Variants in PLEKHA5 observed in about 807,000 individuals in gnomAD.
PLEKHA5 encodes the protein pleckstrin homology domain containing A5.
In PLEKHA5, 55 loss-of-function variants were observed where a neutral mutation model predicts 181.9. The ratio of observed to expected loss-of-function variants is 0.30; its 90% confidence interval spans 0.24 to 0.38. The LOEUF is 0.38. PLEKHA5 is among the 10% of genes least tolerant of loss of function. The pLI is 1.00. For missense variants in PLEKHA5, 1,432 were observed against 1,549.5 expected (o/e 0.92, Z 1.27); for synonymous variants, 535 against 529.4 (o/e 1.01, Z -0.15).
At chr12:19,313,401 G>A (rs1345036486) in intron 15 of PLEKHA5, among the ~76,000 whole-genome samples, 3 of 152,038 alleles carry the variant, frequency 2.0e-5, no homozygotes, top group African/African-American at 7.2e-5. Context: ...CTGATGTGTT[G>A]TTCCAAATAC....
intron 3 of PLEKHA5, among the ~76,000 whole-genome samples, chr12:19,239,603 G>T (rs139684561): frequency 1.7e-3 from 255 of 152,268 alleles, no homozygotes; most frequent in African/African-American, 5.8e-3. Flanking sequence ...TGGAATTGAA[G>T]TAAAAGAAAA....
chr12:19,274,954 G>T lies in PLEKHA5; in HGVS notation c.1284G>T (p.Lys428Asn). Residue 428 changes from lysine to asparagine, a missense_variant, in exon 11 of 32, where the codon AAG becomes AAT. Coordinates refer to ENST00000429027, the MANE Select transcript of PLEKHA5 (RefSeq NM_001256470.2). ...TGGAACAGTGGATTAAAATCCAGAAGGGGAGGGGTCATGAAGAAGAAACCA... is the reference window on the plus strand; with the variant it reads ...TGGAACAGTGGATTAAAATCCAGAATGGGAGGGGTCATGAAGAAGAAACCA... ...QQLEQWIKIQ[K>N]GRGHEEETRG... is the part of the protein sequence containing the mutation. 1 of 1,610,862 alleles carries T rather than the reference G, an allele frequency of 6.2e-7. No individual in the cohort carries two copies. Among genetic ancestry groups the T allele is most frequent in the Non-Finnish European group, 8.5e-7 (1 of 1,179,708 alleles).
chr12:19,158,041 A>G (rs1022555698), intron 3 of PLEKHA5, among the ~76,000 whole-genome samples: 11 of 152,098 alleles, frequency 7.2e-5, no homozygotes, highest in Non-Finnish European at 1.3e-4. Context: ...TTTATAATCA[A>G]GTTTTAAAAA....
intron 3 of PLEKHA5, among the ~76,000 whole-genome samples, chr12:19,236,166 A>G (rs1380722040): frequency 6.6e-6 from 1 of 152,172 alleles, no homozygotes; most frequent in Admixed American, 6.5e-5. Context: ...AATACCAACA[A>G]ACTCTGGTTT....
intron 3 of PLEKHA5, among the ~76,000 whole-genome samples, chr12:19,251,933 G>A (rs1406641143): frequency 2.0e-5 from 3 of 152,046 alleles, no homozygotes; most frequent in Non-Finnish European, 4.4e-5. Flanking sequence ...CAAGACAATG[G>A]TCAGGACCTA....
intron 15 of PLEKHA5, among the ~76,000 whole-genome samples, chr12:19,301,396 T>C (rs1293812638): frequency 2.0e-5 from 3 of 152,144 alleles, no homozygotes; most frequent in African/African-American, 7.2e-5. Context: ...CTGTTTCCTG[T>C]GGATGCCAGG....
chr12:19,265,782 C>G lies in PLEKHA5; in HGVS notation c.643C>G (p.Leu215Val). 1 of 1,595,300 alleles carries G rather than the reference C, an allele frequency of 6.3e-7. No individual in the cohort carries two copies. Among genetic ancestry groups the G allele is most frequent in the East Asian group, 2.2e-5 (1 of 44,576 alleles). ...AGAAGAGGGTATCCTGGGAAGCATA[C>G]TGTTACCTAGTTTTCAGATAGCTTT... ...EKEEGILGSI[L>V]LPSFQIALLT... The change falls in exon 8 of 32, where the codon CTG becomes GTG. Residue 215 changes from leucine (L) to valine (V), a missense_variant. By Grantham distance (32) the Leu-to-Val change is conservative. This residue lies in a region of PLEKHA5 where 289 missense variants were observed against 381.1 expected (regional missense o/e 0.76). Coordinates refer to ENST00000429027, the MANE Select transcript of PLEKHA5 (RefSeq NM_001256470.2).
chr12:19,211,239 A>G (rs1387883069), intron 3 of PLEKHA5, among the ~76,000 whole-genome samples: 1 of 152,142 alleles, frequency 6.6e-6, no homozygotes, highest in African/African-American at 2.4e-5. Context: ...CCCCCACTTC[A>G]GAGTGTGTAC....
rs796713469 is a variant in PLEKHA5, at chr12:19,348,624, C to T, written c.3019+105C>T. 16 of 754,246 alleles carry T rather than the reference C, an allele frequency of 2.1e-5. No individual in the cohort carries two copies. In the African/African-American group the frequency reaches 2.9e-4, roughly 14 times the overall value. The allele number at this position is 754,246 out of a possible 1,614,324, so 46.7% of individuals were successfully genotyped here. On this transcript the variant is annotated intron_variant, in intron 25 of 31. Coordinates refer to ENST00000429027, the MANE Select transcript of PLEKHA5 (RefSeq NM_001256470.2). ...TTACATGTTGACTCATATATGAGTC[C>T]AACCCTTTATCTGAAACCTTTGGAC...
At chr12:19,321,360 C>CTTTTTTT (rs1158507411) in intron 18 of PLEKHA5, among the ~76,000 whole-genome samples, 6 of 24,204 alleles carry the variant, frequency 2.5e-4, no homozygotes, top group African/African-American at 5.1e-4. Context: ...CTTTTCTTTT[C>CTTTTTTT]TTTTTTTTTT....
At chr12:19,317,325 G>T (rs1240269199) in intron 16 of PLEKHA5, among the ~76,000 whole-genome samples, 1 of 151,720 alleles carries the variant, frequency 6.6e-6, no homozygotes, top group East Asian at 1.9e-4. Flanking sequence ...CTGTGCTCTA[G>T]CCTGGTGGGT....
At chr12:19,195,609 G>C (rs2052492987) in intron 3 of PLEKHA5, among the ~76,000 whole-genome samples, 1 of 147,466 alleles carries the variant, frequency 6.8e-6, no homozygotes, top group Non-Finnish European at 1.5e-5. Context: ...GGTGGAAGCT[G>C]CAGCAGTGCG....
intron 15 of PLEKHA5, among the ~76,000 whole-genome samples, chr12:19,299,960 C>G (rs914410512): frequency 6.6e-5 from 10 of 152,204 alleles, no homozygotes; most frequent in Non-Finnish European, 1.3e-4. Context: ...ACCCGTTTCT[C>G]CAGCCAGTGA....
chr12:19,366,960 A>G (rs1256219644), intron 30 of PLEKHA5, among the ~76,000 whole-genome samples: 3 of 151,718 alleles, frequency 2.0e-5, no homozygotes, highest in Admixed American at 2.0e-4. Context: ...CTCTGTTGCC[A>G]GCGCTGGAGT....
chr12:19,141,424 A>T (rs2037247904), intron 3 of PLEKHA5, among the ~76,000 whole-genome samples: 1 of 152,150 alleles, frequency 6.6e-6, no homozygotes, highest in South Asian at 2.1e-4. Context: ...ATCCAGAAAC[A>T]TACAGTTAGA....
At chr12:19,235,306 T>A (rs1428846463) in intron 3 of PLEKHA5, among the ~76,000 whole-genome samples, 1 of 152,238 alleles carries the variant, frequency 6.6e-6, no homozygotes, top group Non-Finnish European at 1.5e-5. Flanking sequence ...TAGATTTAGT[T>A]GTAAGACAAC....
intron 5 of PLEKHA5, among the ~76,000 whole-genome samples, chr12:19,255,375 GA>G (rs962884822): frequency 1.3e-5 from 2 of 152,014 alleles, no homozygotes; most frequent in Non-Finnish European, 2.9e-5. Flanking sequence ...AATAATTTTA[GA>G]AATACATTGA....
intron 3 of PLEKHA5, among the ~76,000 whole-genome samples, chr12:19,184,736 G>GT (rs1375490858): frequency 6.6e-6 from 1 of 152,160 alleles, no homozygotes; most frequent in Non-Finnish European, 1.5e-5. Context: ...TCTACATTTG[G>GT]TTTTTAAAAA....
At chr12:19,226,951 G>GT (rs34692505) in intron 3 of PLEKHA5, among the ~76,000 whole-genome samples, 83,028 of 151,098 alleles carry the variant, frequency 0.55, 26,703 homozygotes, top group Non-Finnish European at 0.74. Flanking sequence ...CAATTTTTAA[G>GT]TTTTTTTTTA....
Sources: gnomAD v4.1 joint callset for allele counts (sites outside exome capture counted in the v4.1 genomes callset) on GRCh38, gnomAD v4.1.1 for gene constraint, gnomAD v4.1.1 regional missense constraint, MANE v1.5 for transcripts, NCBI Gene and HGNC (gene_info 2026-07-23, HGNC 2026-07-21) for gene names.